FHIP1A: variants seen among roughly 807,000 people sequenced by gnomAD.
FHIP1A encodes FHF complex subunit HOOK interacting protein 1A.
In FHIP1A, 61 loss-of-function variants were observed where a neutral mutation model predicts 88.6. The ratio of observed to expected loss-of-function variants is 0.69; its 90% CI spans 0.56 to 0.85. The LOEUF is 0.85. Among genes scored for constraint, FHIP1A ranks in the 40% least tolerant of loss-of-function variants. The pLI is 0.00. For synonymous variants in FHIP1A, 478 were observed against 496.0 expected (o/e 0.96, Z 0.48); for missense variants, 1,154 against 1,273.5 (o/e 0.91, Z 1.43).
At chr4:151,553,851 A>T (rs1160555184) in intron 3 of FHIP1A, among the ~76,000 whole-genome samples, 4 of 152,200 alleles carry the variant, frequency 2.6e-5, no homozygotes, top group Admixed American at 6.5e-5. Context: ...CAAAAAACAA[A>T]TGTAGAGGTT....
chr4:151,617,901 T>G (rs1015807790), intron 7 of FHIP1A, among the ~76,000 whole-genome samples: 3 of 151,938 alleles, frequency 2.0e-5, no homozygotes, highest in African/African-American at 7.3e-5. Flanking sequence ...AAAGAAAAAG[T>G]GTATTCATCT....
chr4:151,482,227 CT>C (rs1729920402), intron 2 of FHIP1A, among the ~76,000 whole-genome samples: 1 of 152,012 alleles, frequency 6.6e-6, no homozygotes, highest in African/African-American at 2.4e-5. Flanking sequence ...TATTTTCACA[CT>C]TTTTTTCACT....
chr4:151,423,752 A>G (rs1176384309), intron 1 of FHIP1A, among the ~76,000 whole-genome samples: 1 of 152,242 alleles, frequency 6.6e-6, no homozygotes, highest in Non-Finnish European at 1.5e-5. Flanking sequence ...GGTGTGCAAC[A>G]TGTATGTCTG....
intron 13 of FHIP1A, among the ~76,000 whole-genome samples, chr4:151,658,964 G>A (rs991848708): frequency 6.6e-6 from 1 of 152,144 alleles, no homozygotes; most frequent in African/African-American, 2.4e-5. Context: ...ATACTGAGGT[G>A]CACTAGATAC....
intron 1 of FHIP1A, among the ~76,000 whole-genome samples, chr4:151,442,919 G>T (rs1728462720): frequency 6.6e-6 from 1 of 151,802 alleles, no homozygotes; most frequent in Non-Finnish European, 1.5e-5. Context: ...GTTTTTTATT[G>T]TTCTCTATAA....
chr4:151,599,413 A>G (rs1007664766), intron 7 of FHIP1A, among the ~76,000 whole-genome samples: 2 of 152,136 alleles, frequency 1.3e-5, no homozygotes, highest in East Asian at 3.9e-4. Context: ...TGAATGTGCA[A>G]GGATTTTATT....
intron 7 of FHIP1A, among the ~76,000 whole-genome samples, chr4:151,622,175 C>A (rs1431621870): frequency 6.6e-6 from 1 of 152,162 alleles, no homozygotes. Context: ...GGGGAACTGA[C>A]AGCCTAGAAA....
intron 8 of FHIP1A, among the ~76,000 whole-genome samples, chr4:151,631,713 G>C (rs1578841093): frequency 6.6e-6 from 1 of 152,250 alleles, no homozygotes; most frequent in Non-Finnish European, 1.5e-5. Flanking sequence ...ATTGAAGTGT[G>C]CAGGAAAATT....
intron 3 of FHIP1A, among the ~76,000 whole-genome samples, chr4:151,522,687 A>G (rs1731489727): frequency 1.3e-5 from 2 of 152,232 alleles, no homozygotes; most frequent in African/African-American, 4.8e-5. Context: ...TTGGCTTTCC[A>G]ATCTTCTCAT....
intron 8 of FHIP1A, among the ~76,000 whole-genome samples, chr4:151,632,302 A>G (rs1237420890): frequency 6.6e-6 from 1 of 151,948 alleles, no homozygotes; most frequent in Non-Finnish European, 1.5e-5. Context: ...GTATATATAT[A>G]TATGCATGTA....
chr4:151,411,343 A>ATTCTTTTTTTTTTTTTTTTTTTTTTTT (rs370374898), intron 1 of FHIP1A, among the ~76,000 whole-genome samples: 2 of 112,180 alleles, frequency 1.8e-5, no homozygotes, highest in Non-Finnish European at 1.8e-5. Context: ...GTGAAATTAT[A>ATTCTTTTTTTTTTTTTTTTTTTTTTTT]TATATATTTT....
At chr4:151,452,517 A>C (rs1205414598) in intron 1 of FHIP1A, among the ~76,000 whole-genome samples, 2 of 152,140 alleles carry the variant, frequency 1.3e-5, no homozygotes, top group Admixed American at 1.3e-4. Flanking sequence ...GTTGAGGCCA[A>C]AAGTATGAGA....
intron 3 of FHIP1A, among the ~76,000 whole-genome samples, chr4:151,496,739 T>C (rs930875990): frequency 6.7e-6 from 1 of 148,908 alleles, no homozygotes; most frequent in African/African-American, 2.5e-5. Flanking sequence ...TTTTTGTATT[T>C]TTGATGGAGA....
intron 3 of FHIP1A, among the ~76,000 whole-genome samples, chr4:151,505,557 A>G (rs1474111708): frequency 1.3e-5 from 2 of 152,236 alleles, no homozygotes; most frequent in Admixed American, 6.5e-5. Context: ...TGCCACTCAG[A>G]TGACCACTGT....
At position 151,411,344 on chromosome 4, in the gene FHIP1A, TATATA is replaced by T. The variant is rs1490808193; in HGVS notation, c.-356+1880_-356+1884del. Among the ~76,000 whole-genome samples the T allele has an allele frequency of 1.3e-4, 3 of 23,020 alleles. 1 individual carries two copies. The highest frequency in any genetic ancestry group is 2.7e-4 in the Non-Finnish European group (3 of 11,198). 15.1% of individuals were successfully genotyped at this position (23,020 alleles called of 152,430 possible). A position where few individuals can be genotyped will look rare whatever the true frequency, so the allele number is the denominator to read the frequency against. On this transcript the variant is annotated intron_variant, in intron 1 of 13. Coordinates refer to ENST00000435205, the MANE Select transcript of FHIP1A (RefSeq NM_001109977.3). ...ATTGCCTCTGAGGAGTGAAATTATA[TATATA>T]TTTTTTTTTTTTTAAAGTTAGGGTC...
At chr4:151,517,855 GAA>G (rs967927781) in intron 3 of FHIP1A, among the ~76,000 whole-genome samples, 1 of 151,982 alleles carries the variant, frequency 6.6e-6, no homozygotes, top group African/African-American at 2.4e-5. Flanking sequence ...TATAAATAAA[GAA>G]AATATTTTTG....
chr4:151,444,423 A>G (rs529002810), intron 1 of FHIP1A, among the ~76,000 whole-genome samples: 3 of 152,274 alleles, frequency 2.0e-5, no homozygotes, highest in Non-Finnish European at 4.4e-5. Flanking sequence ...TAATAAAATG[A>G]GCATTGATAC....
intron 4 of FHIP1A, among the ~76,000 whole-genome samples, chr4:151,569,451 C>A (rs1194960365): frequency 6.6e-6 from 1 of 151,888 alleles, no homozygotes; most frequent in African/African-American, 2.4e-5. Flanking sequence ...ACTCAGGAGG[C>A]TGAGGCAGGA....
chr4:151,586,516 CTTTAATACCT>C, intron 5 of FHIP1A, 115 bp from the exon 6 acceptor site: 1 of 737,924 alleles, frequency 1.4e-6, no homozygotes, highest in Non-Finnish European at 2.1e-6. Flanking sequence ...GCTCTTATAC[CTTTAATACCT>C]TGCTACTTAA....
Sources: allele counts gnomAD v4.1 joint callset (sites outside exome capture counted in the v4.1 genomes callset), GRCh38; gene constraint gnomAD v4.1.1; transcripts MANE v1.5; gene names NCBI Gene and HGNC (gene_info 2026-07-23, HGNC 2026-07-21).